GMCL1: variants seen among roughly 807,000 people sequenced by gnomAD.
GMCL1 encodes germ cell-less 1, spermatogenesis associated.
In GMCL1, 54 loss-of-function variants were observed where a neutral mutation model predicts 75.5. The observed-to-expected ratio is 0.71, with a 90% CI of 0.57 to 0.90. The LOEUF (loss-of-function observed/expected upper bound fraction) is 0.90. Among genes scored for constraint, GMCL1 ranks in the 40% least tolerant of loss-of-function variants. GMCL1 has a pLI of 0.00. For synonymous variants in GMCL1, 210 were observed against 209.6 expected (o/e 1.00, Z -0.02); for missense variants, 537 against 622.7 (o/e 0.86, Z 1.47).
rs1287672126 is a variant in GMCL1, at chr2:69,830,124, C to A, written c.232C>A (p.Gln78Lys). Residue 78 changes from glutamine (Q) to lysine (K), a missense_variant, in exon 1 of 14, where the codon CAG becomes AAG. Physicochemically the swap from Gln to Lys is moderately conservative, Grantham distance 53. Coordinates refer to ENST00000282570, the MANE Select transcript of GMCL1 (RefSeq NM_178439.5). ...TDEDEEEGDE[Q>K]QRLLNTPRRK... ...CGAGGATGAGGAGGAGGGGGACGAG[C>A]AGCAGCGGCTCCTCAACACCCCTCG... The A allele has an allele frequency of 6.3e-7, 1 of 1,575,232 alleles. No homozygotes were observed. The highest frequency in any genetic ancestry group is 1.9e-5 in the Admixed American group (1 of 53,968).
Position 69,829,852 on chromosome 2 carries a change from C to G in GMCL1, c.-41C>G, listed in dbSNP as rs1674616599. 7 of 1,513,392 alleles carry G rather than the reference C, an allele frequency of 4.6e-6. No individual in the cohort carries two copies. Among genetic ancestry groups the G allele is most frequent in the South Asian group, 2.6e-5 (2 of 76,800 alleles). The allele number at this position is 1,513,392 out of a possible 1,614,324, so 93.7% of individuals were successfully genotyped here. ...GGCGGCCGAGCCATGGCGGGAGACC[C>G]CCTTCTCTGGGCTCCCTGAAGTCTC... On this transcript the variant is annotated 5_prime_UTR_variant, in exon 1 of 14. Coordinates refer to ENST00000282570, the MANE Select transcript of GMCL1 (RefSeq NM_178439.5).
At position 69,830,084 on chromosome 2, in the gene GMCL1, T is replaced by G. The variant is rs758533030; in HGVS notation, c.192T>G (p.Pro64=). Residue 64 remains proline (P), a synonymous_variant, in exon 1 of 14, where the codon CCT becomes CCG. Coordinates refer to ENST00000282570, the MANE Select transcript of GMCL1 (RefSeq NM_178439.5). ...RSSGSFCYCH[P]DSETDEDEEE... is the part of the protein sequence containing the mutation. ...GCGGGTCCTTCTGCTACTGTCACCC[T>G]GACTCGGAGACGGACGAGGATGAGG... is the stretch of plus-strand genomic sequence containing the variant. The G allele has an allele frequency of 1.9e-6, 3 of 1,577,298 alleles. No homozygotes were observed. The highest frequency in any genetic ancestry group is 1.7e-6 in the Non-Finnish European group (2 of 1,161,006).
intron 13 of GMCL1, among the ~76,000 whole-genome samples, chr2:69,872,232 C>T (rs1676001644): frequency 6.6e-6 from 1 of 152,066 alleles, no homozygotes; most frequent in Admixed American, 6.5e-5. Context: ...TCCATAGCTC[C>T]GAATATCATA....
At chr2:69,856,640 CTTTTTTTTTTTTTTTT>C (rs34707640) in intron 9 of GMCL1, among the ~76,000 whole-genome samples, 40 of 89,794 alleles carry the variant, frequency 4.5e-4, no homozygotes, top group African/African-American at 8.8e-4. Flanking sequence ...CTCTTCCCTC[CTTTTTTTTTTTTTTTT>C]TTTTTTTTTT....
intron 5 of GMCL1, among the ~76,000 whole-genome samples, chr2:69,843,930 G>A (rs1675055248): frequency 6.6e-6 from 1 of 151,888 alleles, no homozygotes; most frequent in South Asian, 2.1e-4. Context: ...TTTTAAAACT[G>A]GAAATGCTCT....
chr2:69,843,605 G>A (rs1364694007), intron 5 of GMCL1, among the ~76,000 whole-genome samples: 4 of 152,050 alleles, frequency 2.6e-5, no homozygotes, highest in African/African-American at 4.8e-5. Flanking sequence ...CCTGAGCAAT[G>A]TAGGGAGACC....
intron 13 of GMCL1, among the ~76,000 whole-genome samples, chr2:69,872,732 ATATAATG>A (rs1236082394): frequency 6.6e-6 from 1 of 152,238 alleles, no homozygotes; most frequent in Non-Finnish European, 1.5e-5. Flanking sequence ...CAAGGCAGGT[ATATAATG>A]AGAAAGTCCA....
At chr2:69,833,838 A>C (rs757859488) in intron 1 of GMCL1, among the ~76,000 whole-genome samples, 1 of 152,222 alleles carries the variant, frequency 6.6e-6, no homozygotes, top group Admixed American at 6.5e-5. Flanking sequence ...ACACTGTTCT[A>C]CAACCAGATC....
Position 69,864,949 on chromosome 2 carries a change from G to A in GMCL1, c.1192G>A (p.Gly398Ser). The A allele has an allele frequency of 6.2e-7, 1 of 1,613,318 alleles. No homozygotes were observed. The highest frequency in any genetic ancestry group is 8.5e-7 in the Non-Finnish European group (1 of 1,179,452). Reference protein sequence around the residue: ...EELEGNSMRCGRKLAKDGEYC... With the variant: ...EELEGNSMRCSRKLAKDGEYC... ...ACTAGAGGGAAACAGCATGAGGTGT[G>A]GTAGAAAGCTTGCCAAAGATGGTGA... The change falls in exon 11 of 14, where the codon GGT becomes AGT. Residue 398 changes from glycine to serine, a missense_variant. Around this residue, in one of 3 missense-constraint regions of GMCL1, gnomAD observed 345 missense variants for 410.5 expected, o/e 0.84. Coordinates refer to ENST00000282570, the MANE Select transcript of GMCL1 (RefSeq NM_178439.5).
chr2:69,858,476 T>C lies in GMCL1; in HGVS notation c.1073-2802T>C, dbSNP rs562192811. On this transcript the variant is annotated intron_variant, in intron 9 of 13. Coordinates refer to ENST00000282570, the MANE Select transcript of GMCL1 (RefSeq NM_178439.5). Reference sequence around the variant, plus strand: ...ACAGTAGCTCTCTGCCAAAAAGGGTTCTGGCAAACTCTTCCTAGTGTTTCT... The same window carrying C: ...ACAGTAGCTCTCTGCCAAAAAGGGTCCTGGCAAACTCTTCCTAGTGTTTCT... Among the ~76,000 whole-genome samples the C allele has an allele frequency of 6.6e-5, 10 of 152,346 alleles. 1 individual carries two copies. In the Middle Eastern group the frequency reaches 0.01, roughly 155 times the overall value.
At position 69,830,021 on chromosome 2, in the gene GMCL1, C is replaced by A; in HGVS notation, c.129C>A (p.Phe43Leu). Residue 43 changes from phenylalanine (F) to leucine (L), a missense_variant, in exon 1 of 14, where the codon TTC (phenylalanine) becomes TTA (leucine). Coordinates refer to ENST00000282570, the MANE Select transcript of GMCL1 (RefSeq NM_178439.5). ...DTGDDAAGHGFCYCAGSHKRK... is the reference protein window; with the variant it reads ...DTGDDAAGHGLCYCAGSHKRK... ...GAGACGATGCGGCGGGCCACGGATT[C>A]TGTTACTGTGCGGGCAGCCACAAGC... The A allele has an allele frequency of 1.3e-6, 2 of 1,564,052 alleles. No homozygotes were observed. Among genetic ancestry groups the A allele is most frequent in the Non-Finnish European group, 1.7e-6 (2 of 1,154,290 alleles).
chr2:69,853,795 A>C (rs991952833), intron 8 of GMCL1, among the ~76,000 whole-genome samples: 2 of 152,008 alleles, frequency 1.3e-5, no homozygotes, highest in African/African-American at 4.8e-5. Flanking sequence ...ATAAACTTGA[A>C]TTATTCTATT....
chr2:69,846,353 C>A (rs1558540681), intron 6 of GMCL1, among the ~76,000 whole-genome samples: 1 of 152,096 alleles, frequency 6.6e-6, no homozygotes, highest in Non-Finnish European at 1.5e-5. Flanking sequence ...AACAAAAAAA[C>A]CCAATGTAGT....
intron 3 of GMCL1, 124 bp downstream of exon 3, chr2:69,839,677 G>A (rs748148577): frequency 3.2e-5 from 18 of 568,478 alleles, no homozygotes; most frequent in Non-Finnish European, 5.8e-5. Flanking sequence ...ACCTCAAGGT[G>A]ATAATTTGAT....
intron 11 of GMCL1, among the ~76,000 whole-genome samples, chr2:69,865,900 G>A (rs888887933): frequency 6.6e-6 from 1 of 152,006 alleles, no homozygotes; most frequent in African/African-American, 2.4e-5. Context: ...CTCCCAAATA[G>A]CTGGGATTGT....
chr2:69,875,156 T>C (rs1285449495), intron 13 of GMCL1, among the ~76,000 whole-genome samples: 2 of 152,228 alleles, frequency 1.3e-5, no homozygotes, highest in East Asian at 3.8e-4. Flanking sequence ...ACTAGGATTA[T>C]ATAAATAGTC....
chr2:69,838,188 CA>C (rs1375282617), intron 2 of GMCL1, among the ~76,000 whole-genome samples: 1 of 151,686 alleles, frequency 6.6e-6, no homozygotes, highest in East Asian at 1.9e-4. Flanking sequence ...TCAGAACTTT[CA>C]TAGCTGACGT....
chr2:69,862,932 ACTT>A (rs373242226), intron 10 of GMCL1, among the ~76,000 whole-genome samples: 1 of 152,150 alleles, frequency 6.6e-6, no homozygotes, highest in East Asian at 1.9e-4. Flanking sequence ...AAATCATCCT[ACTT>A]CTTCTGTATA....
chr2:69,830,763 C>CTTT, intron 1 of GMCL1, among the ~76,000 whole-genome samples: 1 of 138,028 alleles, frequency 7.2e-6, no homozygotes, highest in Non-Finnish European at 1.6e-5. Flanking sequence ...TGTTTAACCC[C>CTTT]TTTTTTTTTT....
Sources: gnomAD v4.1 joint callset for allele counts (sites outside exome capture counted in the v4.1 genomes callset) on GRCh38, gnomAD v4.1.1 for gene constraint, gnomAD v4.1.1 regional missense constraint, MANE v1.5 for transcripts, NCBI Gene and HGNC (gene_info 2026-07-23, HGNC 2026-07-21) for gene names.